MYO1D: variants seen among roughly 807,000 people sequenced by gnomAD.
The protein encoded by MYO1D is myosin ID.
In MYO1D, 83 loss-of-function variants were observed where a neutral mutation model predicts 122.0. The observed-to-expected ratio is 0.68, with a 90% CI of 0.57 to 0.82. The LOEUF is 0.82. Ranked by LOEUF, MYO1D falls within the 40% of genes least tolerant of loss-of-function variation. The pLI is 0.00. For synonymous variants in MYO1D, 464 were observed against 446.9 expected, an observed-to-expected ratio of 1.04 and a Z score of -0.48; for missense variants, 1,157 against 1,269.5, an observed-to-expected ratio of 0.91 and a Z score of 1.35.
At chr17:32,679,786 A>G (rs2088880953) in intron 16 of MYO1D, among the ~76,000 whole-genome samples, 1 of 151,624 alleles carries the variant, frequency 6.6e-6, no homozygotes, top group African/African-American at 2.4e-5. Flanking sequence ...GTTTTTTCCA[A>G]TTCTGTGAAG....
chr17:32,856,093 T>TC (rs144455600), intron 1 of MYO1D, among the ~76,000 whole-genome samples: 2,836 of 152,290 alleles, frequency 0.019, 84 homozygotes, highest in African/African-American at 0.064. Context: ...TTGGATGATT[T>TC]TTTTTTTCTT....
At chr17:32,708,224 A>C (rs1443901844) in intron 16 of MYO1D, among the ~76,000 whole-genome samples, 1 of 152,172 alleles carries the variant, frequency 6.6e-6, no homozygotes. Flanking sequence ...TGATCATAGA[A>C]ATACACTCAT....
At chr17:32,835,150 T>C (rs2090810163) in intron 1 of MYO1D, among the ~76,000 whole-genome samples, 1 of 151,968 alleles carries the variant, frequency 6.6e-6, no homozygotes, top group South Asian at 2.1e-4. Flanking sequence ...TTTTTGGTTT[T>C]GCTTTCTTTT....
chr17:32,789,643 G>T (rs1220350059), intron 1 of MYO1D, among the ~76,000 whole-genome samples: 1 of 152,178 alleles, frequency 6.6e-6, no homozygotes, highest in Non-Finnish European at 1.5e-5. Context: ...GTGAAATCAA[G>T]TTAGGAGGAG....
Position 32,721,024 on chromosome 17 carries a change from T to C in MYO1D, c.1912A>G (p.Arg638Gly), listed in dbSNP as rs2089503481. The change falls in exon 15 of 22, where the codon AGG (arginine) becomes GGG (glycine). Residue 638 changes from arginine (R) to glycine (G), a missense_variant and splice_region_variant. Arg to Gly is a moderately radical substitution (Grantham distance 125). Transcript: ENST00000318217. ...FRQTYEKFLH[R>G]YKMISEFTWP... The stretch of plus-strand genomic sequence containing the variant: ...CCTCTCTGACGAGTCTATTCTCACC[T>C]GTGAAGAAACTTCTCGTATGTCTGG... The C allele has an allele frequency of 6.2e-7, 1 of 1,613,836 alleles. No homozygotes were observed. The highest frequency in any genetic ancestry group is 8.5e-7 in the Non-Finnish European group (1 of 1,179,806).
At chr17:32,524,569 T>TC (rs1378409784) in intron 21 of MYO1D, among the ~76,000 whole-genome samples, 3 of 149,332 alleles carry the variant, frequency 2.0e-5, no homozygotes, top group African/African-American at 7.4e-5. Flanking sequence ...TAATTCTTTT[T>TC]TTTTTTTTTT....
At chr17:32,809,992 T>A (rs537277454) in intron 1 of MYO1D, among the ~76,000 whole-genome samples, 3 of 151,930 alleles carry the variant, frequency 2.0e-5, no homozygotes, top group Non-Finnish European at 4.4e-5. Flanking sequence ...AAGGGCTAAG[T>A]AAAGGGTGAA....
chr17:32,775,841 C>T (rs2090166458), intron 4 of MYO1D, 23 bp downstream of exon 4: 5 of 1,569,490 alleles, frequency 3.2e-6, no homozygotes, highest in South Asian at 2.3e-5. Flanking sequence ...AAACATTACC[C>T]TCAGAAATTA....
At chr17:32,864,811 G>A (rs937469302) in intron 1 of MYO1D, among the ~76,000 whole-genome samples, 3 of 152,152 alleles carry the variant, frequency 2.0e-5, no homozygotes, top group Non-Finnish European at 2.9e-5. Context: ...CCGTGATAGA[G>A]GTGAAAGTAT....
Position 32,712,065 on chromosome 17 carries a change from G to A in MYO1D, c.2044C>T (p.Arg682Ter), listed in dbSNP as rs760757171. The A allele has an allele frequency of 8.1e-6, 13 of 1,614,096 alleles. No homozygotes were observed. The highest frequency in any genetic ancestry group is 1.1e-5 in the South Asian group (1 of 91,084). Residue 682 changes from arginine to a stop codon, truncating the protein, a stop_gained, in exon 16 of 22, where the codon CGA (arginine) becomes TGA (stop). Transcript: ENST00000318217. LOFTEE classifies it high-confidence loss of function. ...AAGGTAAACAATGTTCGGGGTGTTC[G>A]AATGAAAATTTTGGTCTTCCCATAA... ...VAYGKTKIFI[R>*]TPRTLFTLEE...
chr17:32,589,143 C>G (rs1457137778), intron 21 of MYO1D, among the ~76,000 whole-genome samples: 6 of 152,178 alleles, frequency 3.9e-5, no homozygotes, highest in Non-Finnish European at 8.8e-5. Flanking sequence ...TTAGGTCACA[C>G]AAAATCAACA....
chr17:32,505,998 C>T (rs57157774), intron 21 of MYO1D, among the ~76,000 whole-genome samples: 6,313 of 152,260 alleles, frequency 0.041, 359 homozygotes, highest in African/African-American at 0.13. Context: ...GTGGGAGGAC[C>T]GCTTTAAGCC....
In MYO1D at chr17:32,778,498, T is replaced by A; in HGVS notation, c.380A>T (p.Gln127Leu). 6.2e-7 allele frequency: 1 copy of A among 1,613,616 alleles called. No individual in the cohort carries two copies. Among genetic ancestry groups the A allele is most frequent in the Non-Finnish European group, 8.5e-7 (1 of 1,179,494 alleles). ...CTCTTACCTTTCAACCTCTGCTCTCTGACTGGGGTTGGTGATGGCCGCAAT... is the reference window on the plus strand; with the variant it reads ...CTCTTACCTTTCAACCTCTGCTCTCAGACTGGGGTTGGTGATGGCCGCAAT... ...QYIAAITNPSQRAEVERVKNM... is the reference protein window; with the variant it reads ...QYIAAITNPSLRAEVERVKNM... Residue 127 changes from glutamine to leucine, a missense_variant, in exon 3 of 22, where the codon CAG becomes CTG. By Grantham distance (113) the Gln-to-Leu change is moderately radical. Coordinates refer to ENST00000318217, the MANE Select transcript of MYO1D (RefSeq NM_015194.3).
chr17:32,861,068 C>CTTT (rs1205679858), intron 1 of MYO1D, among the ~76,000 whole-genome samples: 2 of 135,768 alleles, frequency 1.5e-5, no homozygotes, highest in African/African-American at 5.4e-5. Flanking sequence ...GGTGTTTATT[C>CTTT]TTTTTTTTTT....
chr17:32,866,163 T>C (rs935891867), intron 1 of MYO1D, among the ~76,000 whole-genome samples: 19 of 152,262 alleles, frequency 1.2e-4, no homozygotes, highest in Non-Finnish European at 2.5e-4. Flanking sequence ...ACCACAGGCA[T>C]GGGTCATTGC....
intron 14 of MYO1D, among the ~76,000 whole-genome samples, chr17:32,724,708 G>A (rs1330761890): frequency 6.6e-6 from 1 of 152,150 alleles, no homozygotes; most frequent in Non-Finnish European, 1.5e-5. Context: ...CTTTGGGTTA[G>A]GATCCCACCA....
At chr17:32,873,727 A>G (rs2091203030) in intron 1 of MYO1D, among the ~76,000 whole-genome samples, 2 of 152,194 alleles carry the variant, frequency 1.3e-5, no homozygotes, top group Non-Finnish European at 2.9e-5. Flanking sequence ...ATTTTAATGT[A>G]TAAGTAAGTC....
chr17:32,749,057 T>C (rs776595473), intron 11 of MYO1D, 51 bp from the exon 12 acceptor site: 1 of 1,437,116 alleles, frequency 7.0e-7, no homozygotes, highest in Non-Finnish European at 9.8e-7. Context: ...TTTGCTTTCC[T>C]AAAAATATAT....
intron 20 of MYO1D, among the ~76,000 whole-genome samples, chr17:32,624,786 C>CTTTTT (rs11332360): frequency 1.4e-4 from 19 of 140,238 alleles, no homozygotes; most frequent in Non-Finnish European, 2.5e-4. Flanking sequence ...TTTTTTGTAT[C>CTTTTT]TTTTTTTTTT....
Sources: allele counts gnomAD v4.1 joint callset (sites outside exome capture counted in the v4.1 genomes callset), GRCh38; gene constraint gnomAD v4.1.1; transcripts MANE v1.5; gene names NCBI Gene and HGNC (gene_info 2026-07-23, HGNC 2026-07-21).